The following JMJD1C variants were observed in gnomAD, a reference collection of about 807,000 sequenced individuals.
JMJD1C encodes the protein jumonji domain containing 1C, also known as jumonji domain-containing protein 1C.
A neutral mutation model predicts 245.3 loss-of-function variants in JMJD1C; 31 were observed. The ratio of observed to expected loss-of-function variants is 0.13; its 90% CI spans 0.09 to 0.17. The LOEUF is 0.17. Ranked by LOEUF, JMJD1C falls within the 10% of genes least tolerant of loss-of-function variation. The probability of loss-of-function intolerance (pLI) is 1.00; values close to 1 mark genes in which losing one functional copy is unlikely to be tolerated. For synonymous variants in JMJD1C, 1,057 were observed against 1,017.4 expected (o/e 1.04, Z -0.74); for missense variants, 2,691 against 3,000.2 (o/e 0.90, Z 2.41).
chr10:63,204,052 C>T (rs964795319), intron 10 of JMJD1C: 4 of 903,790 alleles, frequency 4.4e-6, no homozygotes, highest in Non-Finnish European at 5.3e-6. Context: ...GAGTTGGAGG[C>T]TGCTGTGCAC....
intron 1 of JMJD1C, among the ~76,000 whole-genome samples, chr10:63,443,772 G>C (rs749814330): frequency 4.9e-4 from 74 of 152,148 alleles, no homozygotes; most frequent in Non-Finnish European, 8.8e-4. Context: ...TCAAGGTCTG[G>C]TCTTTTTGGT....
At chr10:63,233,757 GCACA>G (rs10565803) in intron 3 of JMJD1C, among the ~76,000 whole-genome samples, 68,969 of 148,022 alleles carry the variant, frequency 0.47, 16,243 homozygotes, top group Non-Finnish European at 0.5. Flanking sequence ...ACACGCGCGT[GCACA>G]CACACACACA....
chr10:63,451,499 T>A (rs2719816), intron 1 of JMJD1C, among the ~76,000 whole-genome samples: 149,244 of 152,296 alleles, frequency 0.98, 73,185 homozygotes, highest in Middle Eastern at 1. Context: ...GAAAAAAATT[T>A]AAAAAATATG....
At chr10:63,497,894 A>G (rs1162727746) in intron 1 of JMJD1C, among the ~76,000 whole-genome samples, 1 of 152,184 alleles carries the variant, frequency 6.6e-6, no homozygotes, top group Non-Finnish European at 1.5e-5. Context: ...GATTCCAAAC[A>G]TAACCTTCAG....
At chr10:63,320,674 T>A (rs1021316434) in intron 2 of JMJD1C, among the ~76,000 whole-genome samples, 1 of 152,212 alleles carries the variant, frequency 6.6e-6, no homozygotes, top group African/African-American at 2.4e-5. Context: ...ATATATTTGT[T>A]TTTTGTCTCC....
rs369841478 is a variant in JMJD1C at position 63,407,001 on chromosome 10, A to G, written c.169-26519T>C. Among the ~76,000 whole-genome samples, 894 of 151,640 alleles carry G rather than the reference A, an allele frequency of 5.9e-3. 16 individuals are homozygous for G. The highest frequency in any genetic ancestry group is 0.02 in the African/African-American group (840 of 41,346). The stretch of plus-strand genomic sequence containing the variant: ...AAACCAGTGGTAGCTAACTTAGTGG[A>G]AAAAAAAAGAAGCTTAATCTAAAGC... On this transcript the variant is annotated intron_variant, in intron 1 of 25. Coordinates refer to ENST00000399262, the MANE Select transcript of JMJD1C (RefSeq NM_032776.3).
At chr10:63,333,569 C>T (rs1362183148) in intron 2 of JMJD1C, among the ~76,000 whole-genome samples, 1 of 152,052 alleles carries the variant, frequency 6.6e-6, no homozygotes, top group East Asian at 1.9e-4. Context: ...AAAGGCAAAA[C>T]ACTATTACTG....
intron 1 of JMJD1C, among the ~76,000 whole-genome samples, chr10:63,519,444 T>C (rs1176572586): frequency 3.9e-5 from 6 of 152,230 alleles, no homozygotes; most frequent in Non-Finnish European, 8.8e-5. Context: ...ACAAACATTA[T>C]TCAAATTTTT....
intron 21 of JMJD1C, among the ~76,000 whole-genome samples, chr10:63,183,937 T>G (rs1487088020): frequency 1.3e-5 from 2 of 152,236 alleles, no homozygotes; most frequent in Admixed American, 6.5e-5. Flanking sequence ...GGAACAGTAA[T>G]TCTTTTTTTG....
intron 1 of JMJD1C, chr10:63,465,268 G>A (rs1953132519): frequency 1.9e-6 from 1 of 517,794 alleles, no homozygotes; most frequent in East Asian, 3.4e-5. Context: ...CAGCCTCCGC[G>A]GCTATCCCGG....
intron 1 of JMJD1C, among the ~76,000 whole-genome samples, chr10:63,474,821 A>G (rs1953608160): frequency 6.6e-6 from 1 of 152,052 alleles, no homozygotes; most frequent in Non-Finnish European, 1.5e-5. Context: ...AAAAGTTCCA[A>G]ATTATGTAGT....
At chr10:63,465,344 G>C in intron 1 of JMJD1C, 151 bp downstream of exon 1, 2 of 780,252 alleles carry the variant, frequency 2.6e-6, no homozygotes, top group South Asian at 1.8e-5. Flanking sequence ...CCCAGGCAAG[G>C]GATGCGGGCA....
At chr10:63,204,277 A>C in intron 10 of JMJD1C, 2 of 985,412 alleles carry the variant, frequency 2.0e-6, no homozygotes, top group Non-Finnish European at 2.4e-6. Flanking sequence ...CTCTAAAGCT[A>C]CATGCTAGTT....
intron 1 of JMJD1C, among the ~76,000 whole-genome samples, chr10:63,497,764 G>A (rs1161752844): frequency 6.6e-6 from 1 of 152,150 alleles, no homozygotes; most frequent in Non-Finnish European, 1.5e-5. Context: ...AGCTTTCTTT[G>A]CAAACTGGGA....
chr10:63,262,687 C>T (rs1854936526), intron 3 of JMJD1C, among the ~76,000 whole-genome samples: 1 of 152,076 alleles, frequency 6.6e-6, no homozygotes, highest in Admixed American at 6.5e-5. Flanking sequence ...TCCTTCTAGG[C>T]CAGAGGGTGA....
In JMJD1C at chr10:63,167,343, T is replaced by C. The variant is rs981855328; in HGVS notation, c.*702A>G. 3.3e-5 allele frequency: 5 copies of C among 152,590 alleles called. No homozygotes were observed. The highest frequency in any genetic ancestry group is 7.4e-5 in the Non-Finnish European group (5 of 68,026). The allele number at this position is 152,590 out of a possible 1,614,324, so 9.5% of individuals were successfully genotyped here. ...GCCAATGTTTTAAAAAAATACATCA[T>C]TAAATGTATATATGTATATATTTAC... On this transcript the variant is annotated 3_prime_UTR_variant, in exon 26 of 26. Coordinates refer to ENST00000399262, the MANE Select transcript of JMJD1C (RefSeq NM_032776.3).
At chr10:63,428,275 G>C (rs1950556194) in intron 1 of JMJD1C, among the ~76,000 whole-genome samples, 1 of 152,060 alleles carries the variant, frequency 6.6e-6, no homozygotes, top group Non-Finnish European at 1.5e-5. Context: ...TGCATACTAA[G>C]AATATTCTTT....
At chr10:63,441,046 G>A (rs1249701622) in intron 1 of JMJD1C, among the ~76,000 whole-genome samples, 4 of 152,186 alleles carry the variant, frequency 2.6e-5, no homozygotes, top group African/African-American at 7.2e-5. Context: ...TAAAAGGACA[G>A]TAGGAATTAA....
rs1844225616 is a variant in JMJD1C at position 63,187,141 on chromosome 10, G to A, written c.6571-758C>T. On this transcript the variant is annotated intron_variant, in intron 18 of 25. Transcript: ENST00000399262. ...CTAGATTTTTTTTTTAATTACAAAA[G>A]ACATCTTTAAAAAGAAAAAACACCC... 2.0e-5 allele frequency among the ~76,000 whole-genome samples: 3 copies of A among 151,134 alleles called. 1 individual carries two copies. The highest frequency in any genetic ancestry group is 2.0e-4 in the Admixed American group (3 of 15,184).
Sources: allele counts gnomAD v4.1 joint callset (sites outside exome capture counted in the v4.1 genomes callset), GRCh38; gene constraint gnomAD v4.1.1; transcripts MANE v1.5; gene names NCBI Gene and HGNC (gene_info 2026-07-23, HGNC 2026-07-21).